The following SCP2 variants were observed in gnomAD, a reference collection of about 807,000 sequenced individuals.
The protein encoded by SCP2 is sterol carrier protein 2.
In SCP2, 48 loss-of-function variants were observed where a neutral mutation model predicts 71.4. That is an observed-to-expected ratio of 0.67 (90% CI 0.53 to 0.86). SCP2 has a LOEUF of 0.86. Among genes scored for constraint, SCP2 ranks in the 40% least tolerant of loss-of-function variants. SCP2 has a pLI of 0.00. For missense variants in SCP2, 560 were observed against 655.6 expected, an observed-to-expected ratio of 0.85 and a Z score of 1.59; for synonymous variants, 220 against 218.1, an observed-to-expected ratio of 1.01 and a Z score of -0.08.
intron 12 of SCP2, among the ~76,000 whole-genome samples, chr1:53,025,783 G>A (rs4926945): frequency 0.3 from 45,253 of 152,042 alleles, 10,786 homozygotes; most frequent in African/African-American, 0.65. Context: ...ATCGTCATTC[G>A]TTCAGCACAC....
chr1:53,037,252 C>T (rs1663017027), intron 13 of SCP2, among the ~76,000 whole-genome samples: 1 of 151,690 alleles, frequency 6.6e-6, no homozygotes, highest in Non-Finnish European at 1.5e-5. Flanking sequence ...AATTTTTTTT[C>T]AATAAAATTA....
intron 7 of SCP2, among the ~76,000 whole-genome samples, chr1:52,976,237 C>T (rs1231484960): frequency 6.6e-6 from 1 of 152,028 alleles, no homozygotes; most frequent in Non-Finnish European, 1.5e-5. Flanking sequence ...TGTCAGCATG[C>T]TAGATTAAAT....
At chr1:53,049,230 C>T (rs1664043389) in intron 15 of SCP2, 2 of 152,248 alleles carry the variant, frequency 1.3e-5, no homozygotes, top group Non-Finnish European at 2.9e-5. Context: ...TCAGACTTCA[C>T]ACATCAGCTG....
chr1:53,009,116 G>A (rs1482653176), intron 11 of SCP2, among the ~76,000 whole-genome samples: 3 of 152,146 alleles, frequency 2.0e-5, no homozygotes, highest in South Asian at 2.1e-4. Flanking sequence ...ACTGCTCAAC[G>A]AAATAAAAGA....
Position 52,980,595 on chromosome 1 carries a change from T to C in SCP2, c.973+52T>C, listed in dbSNP as rs780640767. The C allele has an allele frequency of 5.2e-6, 8 of 1,527,000 alleles. No individual in the cohort carries two copies. In the East Asian group the frequency reaches 1.1e-4, roughly 21 times the overall value. The allele number at this position is 1,527,000 out of a possible 1,614,324, so 94.6% of individuals were successfully genotyped here. ...ATTCAGTAAATTTCACTGAGAAAAC[T>C]TCACTTTGACCGTTAGATAAAAGAA... On this transcript the variant is annotated intron_variant, in intron 10 of 15. Transcript: ENST00000371514.
In SCP2 at chr1:52,988,123, A is replaced by C; in HGVS notation, c.1068A>C (p.Pro356=). The C allele has an allele frequency of 6.5e-7, 1 of 1,536,990 alleles. No homozygotes were observed. The highest frequency in any genetic ancestry group is 9.0e-7 in the Non-Finnish European group (1 of 1,110,200). ...PSGGLISKGH[P]LGATGLAQCA... ...GTGGACTGATTTCAAAGGGACACCC[A>C]CTAGGCGCTACAGGTAATGCTACAT... is the stretch of plus-strand genomic sequence containing the variant. Residue 356 remains proline (P), a synonymous_variant, in exon 11 of 16, where the codon CCA becomes CCC. Transcript: ENST00000371514.
chr1:53,028,415 A>G (rs1662286792), intron 13 of SCP2, among the ~76,000 whole-genome samples: 1 of 152,210 alleles, frequency 6.6e-6, no homozygotes, highest in South Asian at 2.1e-4. Context: ...CCTTTGAATT[A>G]AAACGGTCTT....
At chr1:52,964,391 G>C (rs151044163) in intron 6 of SCP2, among the ~76,000 whole-genome samples, 2 of 151,462 alleles carry the variant, frequency 1.3e-5, no homozygotes, top group South Asian at 4.2e-4. Flanking sequence ...TAGTAGAGAC[G>C]GGGTTTCACC....
At chr1:53,016,621 A>C (rs1182634391) in intron 12 of SCP2, among the ~76,000 whole-genome samples, 1 of 152,148 alleles carries the variant, frequency 6.6e-6, no homozygotes, top group Non-Finnish European at 1.5e-5. Flanking sequence ...GGGGAAGGGC[A>C]TTCCAAGTCT....
intron 14 of SCP2, among the ~76,000 whole-genome samples, chr1:53,042,517 G>T (rs1430509501): frequency 2.5e-4 from 38 of 152,022 alleles, no homozygotes; most frequent in Non-Finnish European, 5.9e-5. Flanking sequence ...AGACCCCAAG[G>T]GATCTTACCC....
intron 4 of SCP2, among the ~76,000 whole-genome samples, chr1:52,952,138 C>T (rs1280327779): frequency 1.3e-5 from 2 of 152,086 alleles, no homozygotes; most frequent in African/African-American, 2.4e-5. Context: ...TCTATTTTCT[C>T]CTCCCCTCAG....
intron 11 of SCP2, among the ~76,000 whole-genome samples, chr1:53,010,130 A>G (rs1275575226): frequency 6.6e-6 from 1 of 152,188 alleles, no homozygotes; most frequent in Non-Finnish European, 1.5e-5. Context: ...AGGAAACAAC[A>G]GGTGCTGGAG....
intron 10 of SCP2, among the ~76,000 whole-genome samples, chr1:52,985,761 C>T (rs1393047883): frequency 6.6e-6 from 1 of 152,178 alleles, no homozygotes; most frequent in East Asian, 1.9e-4. Context: ...TGGAAGCTCG[C>T]TCCTGTTTCA....
Position 53,015,039 on chromosome 1 carries a change from G to T in SCP2, c.1231G>T (p.Ala411Ser). ...TLYKMGFPEA[A>S]SSFRTHQIEA... is the part of the protein sequence containing the mutation. The stretch of plus-strand genomic sequence containing the variant: ...CTACAAGATGGGTTTTCCGGAAGCC[G>T]CCAGGTGAGTGACATTCAGAGTTTT... Residue 411 changes from alanine (A) to serine (S), a missense_variant, in exon 12 of 16, where the codon GCC becomes TCC. Transcript: ENST00000371514. The T allele has an allele frequency of 1.2e-6, 2 of 1,613,964 alleles. No individual in the cohort carries two copies. Among genetic ancestry groups the T allele is most frequent in the South Asian group, 1.1e-5 (1 of 91,066 alleles).
intron 5 of SCP2, among the ~76,000 whole-genome samples, chr1:52,955,084 A>G (rs1010934184): frequency 2.6e-5 from 4 of 152,366 alleles, no homozygotes; most frequent in Admixed American, 2.6e-4. Context: ...CATTCAACAA[A>G]TTGAAGAGAG....
intron 5 of SCP2, among the ~76,000 whole-genome samples, chr1:52,960,270 A>G (rs911516399): frequency 2.6e-5 from 4 of 151,382 alleles, no homozygotes; most frequent in South Asian, 2.1e-4. Context: ...ATCTGCTCTC[A>G]TTCTTGATGT....
In SCP2 at chr1:52,976,675, G is replaced by A. The variant is rs1657999295; in HGVS notation, c.588-8G>A. The A allele has an allele frequency of 7.2e-7, 1 of 1,383,772 alleles. No homozygotes were observed. Among genetic ancestry groups the A allele is most frequent in the East Asian group, 2.3e-5 (1 of 43,560 alleles). 85.7% of individuals were successfully genotyped at this position (1,383,772 alleles called of 1,614,324 possible). On this transcript the variant is annotated splice_polypyrimidine_tract_variant and splice_region_variant and intron_variant, in intron 7 of 15. Coordinates refer to ENST00000371514, the MANE Select transcript of SCP2 (RefSeq NM_002979.5). ...ACATTCTGTAACTAATATTTATTTTGTATTTAGGTATTCCCAGTTCCAAGA... is the reference window on the plus strand; with the variant it reads ...ACATTCTGTAACTAATATTTATTTTATATTTAGGTATTCCCAGTTCCAAGA...
At chr1:53,037,875 T>TACGTAC (rs1663071505) in intron 13 of SCP2, among the ~76,000 whole-genome samples, 1 of 96,508 alleles carries the variant, frequency 1.0e-5, no homozygotes, top group Non-Finnish European at 2.0e-5. Context: ...ATCCTGTCTC[T>TACGTAC]ACATACACAC....
At chr1:52,948,616 C>T (rs1323709449) in intron 3 of SCP2, among the ~76,000 whole-genome samples, 1 of 136,472 alleles carries the variant, frequency 7.3e-6, no homozygotes, top group African/African-American at 2.9e-5. Context: ...CAGAGCAAGA[C>T]TCCATCTCAA....
Sources: gnomAD v4.1 joint callset for allele counts (sites outside exome capture counted in the v4.1 genomes callset) on GRCh38, gnomAD v4.1.1 for gene constraint, MANE v1.5 for transcripts, NCBI Gene and HGNC (gene_info 2026-07-23, HGNC 2026-07-21) for gene names.